The following MBP variants were observed in gnomAD, a reference collection of about 807,000 sequenced individuals.
MBP encodes myelin basic protein, also known as Golli-MBP.
MBP carries 16 observed loss-of-function variants against 35.8 expected under a neutral mutation model. The ratio of observed to expected loss-of-function variants is 0.45; its 90% CI spans 0.30 to 0.68. MBP has a LOEUF of 0.68. Among genes scored for constraint, MBP ranks in the 30% least tolerant of loss-of-function variants. The probability of loss-of-function intolerance (pLI) is 0.08; values close to 1 mark genes in which losing one functional copy is unlikely to be tolerated. For missense variants in MBP, 380 were observed against 404.7 expected (o/e 0.94, Z 0.52); for synonymous variants, 143 against 159.6 (o/e 0.90, Z 0.78).
At chr18:77,129,919 C>T (rs773599219) in intron 1 of MBP, among the ~76,000 whole-genome samples, 22 of 151,706 alleles carry the variant, frequency 1.5e-4, no homozygotes, top group Non-Finnish European at 2.6e-4. Flanking sequence ...TGTGGTGGTG[C>T]GCCCCTATAG....
At chr18:76,996,096 A>G (rs1970251838) in intron 4 of MBP, among the ~76,000 whole-genome samples, 1 of 152,192 alleles carries the variant, frequency 6.6e-6, no homozygotes, top group African/African-American at 2.4e-5. Flanking sequence ...GATGTTCAGC[A>G]TCATCATTAG....
intron 7 of MBP, 94 bp from the exon 8 acceptor site, chr18:76,984,988 G>A (rs1183279447): frequency 1.3e-6 from 2 of 1,570,188 alleles, no homozygotes; most frequent in Non-Finnish European, 8.6e-7. Flanking sequence ...CCGGGGAAGG[G>A]CCCAGGCCCC....
chr18:77,088,125 G>A (rs529093820), intron 2 of MBP, among the ~76,000 whole-genome samples: 466 of 152,302 alleles, frequency 3.1e-3, no homozygotes, highest in Non-Finnish European at 4.5e-3. Flanking sequence ...CCTGGCCTCC[G>A]GGATGCGTCT....
At chr18:77,060,297 G>A (rs1427696338) in intron 3 of MBP, among the ~76,000 whole-genome samples, 5 of 152,240 alleles carry the variant, frequency 3.3e-5, no homozygotes, top group South Asian at 2.1e-4. Context: ...TGATGAATGA[G>A]TGTTTATGGC....
chr18:77,016,553 C>T (rs1971650917), intron 4 of MBP: 1 of 1,299,500 alleles, frequency 7.7e-7, no homozygotes, highest in Non-Finnish European at 9.8e-7. Flanking sequence ...CATGTCCAGG[C>T]ACCCTTAGAG....
chr18:77,062,048 A>T (rs963873608), intron 3 of MBP, among the ~76,000 whole-genome samples: 1 of 152,150 alleles, frequency 6.6e-6, no homozygotes, highest in African/African-American at 2.4e-5. Flanking sequence ...ATGTGGAGTG[A>T]ACTAGCTTAC....
Position 77,057,987 on chromosome 18 carries a change from C to A in MBP, c.139+8311G>T, listed in dbSNP as rs1367026732. Among the ~76,000 whole-genome samples the A allele has an allele frequency of 6.0e-5, 4 of 66,746 alleles. 1 individual carries two copies. The highest frequency in any genetic ancestry group is 1.4e-4 in the Admixed American group (1 of 7,046). 43.8% of individuals were successfully genotyped at this position (66,746 alleles called of 152,430 possible). On this transcript the variant is annotated intron_variant, in intron 3 of 8. Coordinates refer to ENST00000355994, the MANE Select transcript of MBP (RefSeq NM_001025101.2). ...GACTACAGGCGCCCGCCACTACGCC[C>A]GGCTAATTTTTTGTATTTTTTTTTT...
At chr18:77,099,668 C>T (rs537270658) in intron 2 of MBP, among the ~76,000 whole-genome samples, 261 of 152,334 alleles carry the variant, frequency 1.7e-3, no homozygotes, top group Middle Eastern at 6.8e-3. Flanking sequence ...CCCAGCTCTG[C>T]GACTCAGTGC....
chr18:77,053,835 G>A lies in MBP; in HGVS notation c.139+12463C>T, dbSNP rs2144714834. Among the ~76,000 whole-genome samples the A allele has an allele frequency of 1.3e-5, 2 of 152,358 alleles. 1 individual carries two copies. The highest frequency in any genetic ancestry group is 4.8e-5 in the African/African-American group (2 of 41,588). On this transcript the variant is annotated intron_variant, in intron 3 of 8. Transcript: ENST00000355994. ...AGCCGGGCCTGCGTCTAGGTGCTGG[G>A]ATATCTCAGCGAACAAAACAGACAG...
chr18:77,121,600 C>T (rs1312771248), intron 1 of MBP, among the ~76,000 whole-genome samples: 2 of 152,130 alleles, frequency 1.3e-5, no homozygotes, highest in East Asian at 1.9e-4. Context: ...AAATATGTCT[C>T]GGCATATGAA....
At chr18:77,060,348 A>C (rs1973918951) in intron 3 of MBP, among the ~76,000 whole-genome samples, 1 of 152,068 alleles carries the variant, frequency 6.6e-6, no homozygotes, top group South Asian at 2.1e-4. Flanking sequence ...AAAAATGCTA[A>C]TGAACGGCAG....
chr18:77,078,915 C>T (rs975454549), intron 2 of MBP, among the ~76,000 whole-genome samples: 1 of 152,200 alleles, frequency 6.6e-6, no homozygotes, highest in African/African-American at 2.4e-5. Context: ...AGGAGCCTGG[C>T]TGTGCCCTGG....
At chr18:77,108,878 T>A (rs2145153490) in intron 1 of MBP, 1 of 152,378 alleles carries the variant, frequency 6.6e-6, no homozygotes, top group East Asian at 1.9e-4. Flanking sequence ...TAGTTCTGAC[T>A]TTCTACGGTG....
At chr18:77,000,617 C>T (rs1970576866) in intron 4 of MBP, among the ~76,000 whole-genome samples, 1 of 152,212 alleles carries the variant, frequency 6.6e-6, no homozygotes. Context: ...GCGATGATAC[C>T]CATCACCAGC....
intron 2 of MBP, among the ~76,000 whole-genome samples, chr18:77,073,416 C>A (rs1362997887): frequency 1.3e-5 from 2 of 152,190 alleles, no homozygotes; most frequent in East Asian, 3.9e-4. Flanking sequence ...TTATTCACAG[C>A]AGTAGCAACA....
chr18:77,029,082 C>T (rs1364290725), intron 3 of MBP, among the ~76,000 whole-genome samples: 4 of 100,120 alleles, frequency 4.0e-5, no homozygotes, highest in African/African-American at 1.1e-4. Context: ...GAGGTTGTAG[C>T]GAGCCGAGAT....
chr18:77,015,359 G>A (rs1345084941), intron 4 of MBP: 14 of 985,182 alleles, frequency 1.4e-5, no homozygotes, highest in East Asian at 1.1e-4. Flanking sequence ...TAATAGCAAC[G>A]CTTTATTGGG....
chr18:77,024,744 C>A (rs995354132), intron 3 of MBP, among the ~76,000 whole-genome samples: 3 of 152,256 alleles, frequency 2.0e-5, no homozygotes, highest in African/African-American at 7.2e-5. Context: ...CAGGGAAGGA[C>A]CTTGGAGGCC....
At chr18:77,021,251 A>AC (rs1471072631) in intron 3 of MBP, among the ~76,000 whole-genome samples, 1 of 151,942 alleles carries the variant, frequency 6.6e-6, no homozygotes, top group Non-Finnish European at 1.5e-5. Flanking sequence ...AGGTTAGGTG[A>AC]CCCCCGCTCT....
Sources: allele counts gnomAD v4.1 joint callset (sites outside exome capture counted in the v4.1 genomes callset), GRCh38; gene constraint gnomAD v4.1.1; transcripts MANE v1.5; gene names NCBI Gene and HGNC (gene_info 2026-07-23, HGNC 2026-07-21).